Variants in GPALPP1 observed in about 807,000 individuals in gnomAD.
GPALPP1 encodes the protein GPALPP motifs containing 1.
Under a neutral mutation model 38.9 loss-of-function variants are expected in GPALPP1, and 30 were observed. The observed-to-expected ratio is 0.77, with a 90% CI of 0.58 to 1.05. The LOEUF (loss-of-function observed/expected upper bound fraction) is 1.05, where lower values mean the gene tolerates loss of function less well. GPALPP1 is among the 50% of genes least tolerant of loss of function. The pLI is 0.00. For missense variants in GPALPP1, 384 were observed against 408.8 expected (o/e 0.94, Z 0.52); for synonymous variants, 120 against 139.2 (o/e 0.86, Z 0.97).
downstream of GPALPP1, chr13:45,034,593 G>A (rs1876337992): frequency 6.6e-6 from 1 of 152,006 alleles, no homozygotes; most frequent in Non-Finnish European, 1.5e-5. Flanking sequence ...GGTATATTGT[G>A]AGAAATATGA....
At chr13:44,993,681 CA>C (rs148313017) in intron 1 of GPALPP1, among the ~76,000 whole-genome samples, 272 of 109,632 alleles carry the variant, frequency 2.5e-3, no homozygotes, top group East Asian at 2.9e-3. Context: ...GACTCCGTCT[CA>C]AAAAAAAAAA....
chr13:45,005,458 A>T (rs1462215624), intron 2 of GPALPP1, among the ~76,000 whole-genome samples: 1 of 152,110 alleles, frequency 6.6e-6, no homozygotes, highest in Non-Finnish European at 1.5e-5. Flanking sequence ...TGAGAAGTCA[A>T]ATCTTTGTTT....
chr13:45,003,910 GA>G lies in GPALPP1; in HGVS notation c.89-384del, dbSNP rs200036968. Among the ~76,000 whole-genome samples, 357 of 143,570 alleles carry G rather than the reference GA, an allele frequency of 2.5e-3. 3 individuals carry two copies. Among genetic ancestry groups the G allele is most frequent in the African/African-American group, 7.5e-3 (295 of 39,474 alleles). 94.2% of individuals were successfully genotyped at this position (143,570 alleles called of 152,430 possible). ...GTAGTGGTTCTACCGTAAACTGTAA[GA>G]AAAAAAAAAATCATGAAGCCATTGG... On this transcript the variant is annotated intron_variant, in intron 1 of 7. Transcript: ENST00000379151.
At chr13:45,012,779 C>T (rs141732894) in intron 4 of GPALPP1, among the ~76,000 whole-genome samples, 1 of 152,104 alleles carries the variant, frequency 6.6e-6, no homozygotes, top group Admixed American at 6.5e-5. Flanking sequence ...AAAGACCTTT[C>T]TTTTTCAGTT....
At chr13:45,005,086 C>CTTTTTTTTTTTTTTTTTTTTT in intron 2 of GPALPP1, 2 of 57,532 alleles carry the variant, frequency 3.5e-5, no homozygotes, top group East Asian at 6.1e-4. Flanking sequence ...TAATGGTTTT[C>CTTTTTTTTTTTTTTTTTTTTT]TTTTTTTTTT....
At chr13:45,012,523 A>G (rs1438302020) in intron 4 of GPALPP1, among the ~76,000 whole-genome samples, 1 of 152,168 alleles carries the variant, frequency 6.6e-6, no homozygotes, top group Non-Finnish European at 1.5e-5. Flanking sequence ...AAAATTGGGG[A>G]AAAAAATTTT....
chr13:45,006,153 G>GA, intron 2 of GPALPP1, 49 bp from the exon 3 acceptor site: 2 of 1,061,354 alleles, frequency 1.9e-6, no homozygotes, highest in African/African-American at 1.6e-5. Context: ...GTGCTTTTGT[G>GA]AAAAAAATTT....
At chr13:45,001,342 C>A (rs1873658692) in intron 1 of GPALPP1, among the ~76,000 whole-genome samples, 1 of 152,190 alleles carries the variant, frequency 6.6e-6, no homozygotes, top group Admixed American at 6.5e-5. Flanking sequence ...TTATAAATTA[C>A]TCAGTCTCAG....
chr13:44,990,210 C>T, intron 1 of GPALPP1: 1 of 359,652 alleles, frequency 2.8e-6, no homozygotes, highest in Non-Finnish European at 5.0e-6. Flanking sequence ...CTGTTCTCTC[C>T]AGCCCCCGAC....
At position 45,006,185 on chromosome 13, in the gene GPALPP1, T is replaced by C; in HGVS notation, c.222-17T>C. ...ATTTTGACATATATGCATAAAGTTA[T>C]ACTACTATGTTTTCAGAAAACAGAG... is the stretch of plus-strand genomic sequence containing the variant. On this transcript the variant is annotated splice_polypyrimidine_tract_variant and intron_variant, in intron 2 of 7. Coordinates refer to ENST00000379151, the MANE Select transcript of GPALPP1 (RefSeq NM_018559.5). 1 of 1,497,798 alleles carries C rather than the reference T, an allele frequency of 6.7e-7. No individual in the cohort carries two copies. The highest frequency in any genetic ancestry group is 9.2e-7 in the Non-Finnish European group (1 of 1,088,894). The allele number at this position is 1,497,798 out of a possible 1,614,324, so 92.8% of individuals were successfully genotyped here. A position where few individuals can be genotyped will look rare whatever the true frequency, so the allele number is the denominator to read the frequency against.
At chr13:45,026,008 G>T (rs1463146303) in intron 7 of GPALPP1, among the ~76,000 whole-genome samples, 1 of 152,118 alleles carries the variant, frequency 6.6e-6, no homozygotes, top group Non-Finnish European at 1.5e-5. Flanking sequence ...GACCTCAGGT[G>T]ATCCACCCAC....
At chr13:44,990,644 A>G (rs1339689974) in intron 1 of GPALPP1, among the ~76,000 whole-genome samples, 3 of 152,212 alleles carry the variant, frequency 2.0e-5, no homozygotes, top group Non-Finnish European at 4.4e-5. Context: ...TCACATTTGT[A>G]GACTAGCACC....
chr13:45,037,371 G>A (rs942889735), exon 8 of GPALPP1: 15 of 152,266 alleles, frequency 9.9e-5, no homozygotes, highest in Admixed American at 9.8e-4. Flanking sequence ...CTAACCTAAG[G>A]ATAAATAATA....
chr13:45,008,759 T>TCAG, intron 3 of GPALPP1, 36 bp from the exon 4 acceptor site: 1 of 1,082,520 alleles, frequency 9.2e-7, no homozygotes, highest in Non-Finnish European at 1.4e-6. Flanking sequence ...CTTTTTAAAG[T>TCAG]CAGGGAGAAT....
chr13:45,015,640 G>A, intron 6 of GPALPP1, 44 bp downstream of exon 6: 2 of 1,306,742 alleles, frequency 1.5e-6, no homozygotes, highest in Non-Finnish European at 2.0e-6. Context: ...TGTTCATGTT[G>A]GCTGGATTTT....
chr13:45,005,899 C>G (rs60390790), intron 2 of GPALPP1, among the ~76,000 whole-genome samples: 21,354 of 151,698 alleles, frequency 0.14, 2,390 homozygotes, highest in African/African-American at 0.29. Flanking sequence ...GGTGGCGCTT[C>G]CCTGTAATCC....
In GPALPP1 at chr13:45,019,002, CAT is replaced by C. The variant is rs1377754952; in HGVS notation, c.706-1324_706-1323del. 1.2e-4 allele frequency among the ~76,000 whole-genome samples: 7 copies of C among 56,768 alleles called. 2 individuals carry two copies. The highest frequency in any genetic ancestry group is 3.0e-4 in the African/African-American group (7 of 23,476). The allele number at this position is 56,768 out of a possible 152,430, so 37.2% of individuals were successfully genotyped here. A position where few individuals can be genotyped will look rare whatever the true frequency, so the allele number is the denominator to read the frequency against. ...ATATATATACATATAAATATATATA[CAT>C]ATAAATATATATACACATATAAATA... On this transcript the variant is annotated intron_variant, in intron 6 of 7. Coordinates refer to ENST00000379151, the MANE Select transcript of GPALPP1 (RefSeq NM_018559.5).
At position 45,029,677 on chromosome 13, in the gene GPALPP1, C is replaced by T. The variant is rs1366403726; in HGVS notation, c.*1674C>T. On this transcript the variant is annotated 3_prime_UTR_variant, in exon 8 of 8. Coordinates refer to ENST00000379151, the MANE Select transcript of GPALPP1 (RefSeq NM_018559.5). ...TGACTTTGAAATTTGTTGTTTTTTCCCTTTAAACTGCAGCCAGTGAATACA... is the reference window on the plus strand; with the variant it reads ...TGACTTTGAAATTTGTTGTTTTTTCTCTTTAAACTGCAGCCAGTGAATACA... 1 of 152,044 alleles carries T rather than the reference C, an allele frequency of 6.6e-6. No homozygotes were observed. The highest frequency in any genetic ancestry group is 2.4e-5 in the African/African-American group (1 of 41,384). The allele number at this position is 152,044 out of a possible 1,614,324, so 9.4% of individuals were successfully genotyped here.
At chr13:44,994,687 CAT>C (rs1873116870) in intron 1 of GPALPP1, among the ~76,000 whole-genome samples, 1 of 152,128 alleles carries the variant, frequency 6.6e-6, no homozygotes, top group Non-Finnish European at 1.5e-5. Flanking sequence ...ACGTGATAAA[CAT>C]AAAGTCACAC....
Sources: gnomAD v4.1 joint callset for allele counts (sites outside exome capture counted in the v4.1 genomes callset) on GRCh38, gnomAD v4.1.1 for gene constraint, MANE v1.5 for transcripts, NCBI Gene and HGNC (gene_info 2026-07-23, HGNC 2026-07-21) for gene names.